Variants in GRM8 observed in about 807,000 individuals in gnomAD.
GRM8 encodes glutamate metabotropic receptor 8.
Under a neutral mutation model 87.2 loss-of-function variants are expected in GRM8, and 47 were observed. The ratio of observed to expected loss-of-function variants is 0.54; its 90% CI spans 0.43 to 0.69. GRM8 has a LOEUF of 0.69. Among genes scored for constraint, GRM8 ranks in the 30% least tolerant of loss-of-function variants. GRM8 has a pLI of 0.00. For synonymous variants in GRM8, 396 were observed against 404.5 expected, an observed-to-expected ratio of 0.98 and a Z score of 0.25; for missense variants, 1,019 against 1,139.2, an observed-to-expected ratio of 0.89 and a Z score of 1.52.
chr7:126,835,785 T>C (rs1464720836), intron 6 of GRM8, among the ~76,000 whole-genome samples: 2 of 152,210 alleles, frequency 1.3e-5, no homozygotes, highest in East Asian at 1.9e-4. Flanking sequence ...TCAAAAACTT[T>C]AGAAAATTAA....
At chr7:126,629,355 C>CT (rs1801018146) in intron 7 of GRM8, among the ~76,000 whole-genome samples, 2 of 152,102 alleles carry the variant, frequency 1.3e-5, no homozygotes, top group South Asian at 4.1e-4. Context: ...ACTTTGTACA[C>CT]TTTTTAAAGA....
At chr7:126,741,113 C>T (rs1437383519) in intron 7 of GRM8, among the ~76,000 whole-genome samples, 2 of 152,174 alleles carry the variant, frequency 1.3e-5, no homozygotes, top group African/African-American at 4.8e-5. Context: ...GACGTGGCTA[C>T]AGAGAGTAGG....
intron 3 of GRM8, among the ~76,000 whole-genome samples, chr7:127,095,064 C>T (rs141191644): frequency 6.6e-6 from 1 of 152,190 alleles, no homozygotes; most frequent in African/African-American, 2.4e-5. Context: ...GAAGAGGAGA[C>T]CCTTCAACCC....
Position 126,641,945 on chromosome 7 carries a change from T to A in GRM8, c.1358-32447A>T, listed in dbSNP as rs1802436723. 5.3e-5 allele frequency among the ~76,000 whole-genome samples: 8 copies of A among 152,272 alleles called. 1 individual carries two copies. The South Asian group carries it at 1.7e-3, about 32-fold the overall frequency. On this transcript the variant is annotated intron_variant, in intron 7 of 10. Transcript: ENST00000339582. ...CCTCCTGTCTTCCAGTTACACCTCATTGGCAAGACTGTCATGGGAGCTCCT... is the reference window on the plus strand; with the variant it reads ...CCTCCTGTCTTCCAGTTACACCTCAATGGCAAGACTGTCATGGGAGCTCCT...
chr7:127,009,775 C>T (rs992805758), intron 3 of GRM8, among the ~76,000 whole-genome samples: 4 of 151,686 alleles, frequency 2.6e-5, no homozygotes, highest in Admixed American at 2.6e-4. Context: ...AGAAAGAAGT[C>T]ATTCTCCTTT....
At chr7:127,051,088 A>C (rs889180457) in intron 3 of GRM8, among the ~76,000 whole-genome samples, 2 of 152,188 alleles carry the variant, frequency 1.3e-5, no homozygotes, top group African/African-American at 4.8e-5. Context: ...ATTTGCAATA[A>C]TGAAAATGTA....
intron 7 of GRM8, among the ~76,000 whole-genome samples, chr7:126,720,462 T>G (rs972152270): frequency 2.0e-5 from 3 of 152,128 alleles, no homozygotes; most frequent in African/African-American, 7.2e-5. Context: ...AAGTGGTTAT[T>G]AGAGCAGTCA....
At chr7:126,954,114 A>C (rs1808444831) in intron 3 of GRM8, among the ~76,000 whole-genome samples, 1 of 152,098 alleles carries the variant, frequency 6.6e-6, no homozygotes, top group African/African-American at 2.4e-5. Flanking sequence ...ACTTCTCTTC[A>C]TGTTGTTATT....
intron 7 of GRM8, among the ~76,000 whole-genome samples, chr7:126,751,237 ATCAATAG>A (rs1181831867): frequency 1.3e-5 from 2 of 152,040 alleles, no homozygotes; most frequent in Admixed American, 1.3e-4. Flanking sequence ...TTTACTTAAC[ATCAATAG>A]TCAACAGAAG....
chr7:127,022,189 A>G (rs905434770), intron 3 of GRM8, among the ~76,000 whole-genome samples: 3 of 150,700 alleles, frequency 2.0e-5, no homozygotes, highest in Admixed American at 6.6e-5. Flanking sequence ...TTTTTCCAAT[A>G]CAAATTTTAT....
intron 3 of GRM8, among the ~76,000 whole-genome samples, chr7:126,966,931 C>G (rs1336987371): frequency 6.6e-6 from 1 of 152,184 alleles, no homozygotes; most frequent in Admixed American, 6.5e-5. Flanking sequence ...ACCCATTGTT[C>G]AAAAACTGGG....
intron 7 of GRM8, among the ~76,000 whole-genome samples, chr7:126,691,803 T>C (rs1028256220): frequency 6.6e-6 from 1 of 152,148 alleles, no homozygotes; most frequent in African/African-American, 2.4e-5. Flanking sequence ...CGTAGCTGGC[T>C]GGGTGAAAGA....
intron 3 of GRM8, among the ~76,000 whole-genome samples, chr7:126,963,188 C>A (rs540455791): frequency 3.3e-5 from 5 of 152,204 alleles, no homozygotes; most frequent in East Asian, 3.9e-4. Flanking sequence ...TTATCAATTT[C>A]TCTTTATTTT....
At chr7:127,038,178 T>C (rs554772740) in intron 3 of GRM8, among the ~76,000 whole-genome samples, 1 of 152,320 alleles carries the variant, frequency 6.6e-6, no homozygotes, top group East Asian at 1.9e-4. Flanking sequence ...TCATAGCTTA[T>C]ACTCCTTTTG....
intron 2 of GRM8, among the ~76,000 whole-genome samples, chr7:127,233,526 A>T (rs937223471): frequency 2.6e-5 from 4 of 152,346 alleles, no homozygotes; most frequent in Non-Finnish European, 5.9e-5. Context: ...AGCACTAGTC[A>T]AAGCTAGAGG....
chr7:126,550,191 T>G (rs879581079), intron 8 of GRM8, among the ~76,000 whole-genome samples: 4 of 152,026 alleles, frequency 2.6e-5, no homozygotes, highest in Non-Finnish European at 5.9e-5. Flanking sequence ...CTCGGTTCAC[T>G]GCAACCTCTG....
In GRM8 at chr7:126,995,616, G is replaced by A. The variant is rs183717580; in HGVS notation, c.728-90933C>T. On this transcript the variant is annotated intron_variant, in intron 3 of 10. Coordinates refer to ENST00000339582, the MANE Select transcript of GRM8 (RefSeq NM_000845.3). Reference sequence around the variant, plus strand: ...TAATAACATAACTGCTCAACAAAAAGAAAGAATTAATGAGCTTGAAGACAG... The same window carrying A: ...TAATAACATAACTGCTCAACAAAAAAAAAGAATTAATGAGCTTGAAGACAG... Among the ~76,000 whole-genome samples, 13 of 152,216 alleles carry A rather than the reference G, an allele frequency of 8.5e-5. No homozygotes were observed. The East Asian group carries it at 2.3e-3, about 27-fold the overall frequency.
chr7:127,187,736 C>T (rs1292097512), intron 2 of GRM8, among the ~76,000 whole-genome samples: 2 of 152,148 alleles, frequency 1.3e-5, no homozygotes, highest in Non-Finnish European at 2.9e-5. Flanking sequence ...GCCCATGGTT[C>T]CTGTTCTCAC....
chr7:126,813,495 A>T (rs1793492178), intron 6 of GRM8, among the ~76,000 whole-genome samples: 2 of 152,128 alleles, frequency 1.3e-5, no homozygotes, highest in South Asian at 4.1e-4. Context: ...AATGGATATG[A>T]ACAAAATTTC....
Sources: gnomAD v4.1 joint callset for allele counts (sites outside exome capture counted in the v4.1 genomes callset) on GRCh38, gnomAD v4.1.1 for gene constraint, MANE v1.5 for transcripts, NCBI Gene and HGNC (gene_info 2026-07-23, HGNC 2026-07-21) for gene names.